Variants in TRIM69 observed in about 807,000 individuals in gnomAD.
TRIM69 encodes the protein tripartite motif containing 69, also known as E3 ubiquitin-protein ligase TRIM69.
A neutral mutation model predicts 37.7 loss-of-function variants in TRIM69; 29 were observed. The observed-to-expected ratio is 0.77, with a 90% CI of 0.57 to 1.05. TRIM69 has a LOEUF of 1.05. TRIM69 is among the 50% of genes least tolerant of loss of function. The pLI is 0.00. For synonymous variants in TRIM69, 209 were observed against 212.4 expected (o/e 0.98, Z 0.14); for missense variants, 596 against 579.9 (o/e 1.03, Z -0.28).
chr15:44,762,367 G>T (rs79227989), intron 6 of TRIM69, among the ~76,000 whole-genome samples: 2,761 of 152,162 alleles, frequency 0.018, 82 homozygotes, highest in African/African-American at 0.061. Context: ...CTGCTTGTGC[G>T]TCATTGAGCT....
intron 1 of TRIM69, among the ~76,000 whole-genome samples, chr15:44,744,085 C>A (rs866353956): frequency 1.6e-4 from 24 of 151,434 alleles, no homozygotes; most frequent in Middle Eastern, 6.8e-3. Context: ...GACTGGATTA[C>A]GAAAATGTGG....
chr15:44,743,380 T>A, intron 1 of TRIM69, among the ~76,000 whole-genome samples: 1 of 152,088 alleles, frequency 6.6e-6, no homozygotes, highest in Non-Finnish European at 1.5e-5. Context: ...AACCTAGGCA[T>A]TACCATTCAG....
intron 1 of TRIM69, among the ~76,000 whole-genome samples, chr15:44,738,050 C>CTTTTTT (rs772041054): frequency 8.5e-6 from 1 of 118,020 alleles, no homozygotes; most frequent in African/African-American, 3.3e-5. Flanking sequence ...TACTTTCTTT[C>CTTTTTT]TTTCTTTTTT....
intron 1 of TRIM69, among the ~76,000 whole-genome samples, chr15:44,741,293 A>C (rs1379229205): frequency 6.6e-6 from 1 of 152,144 alleles, no homozygotes; most frequent in African/African-American, 2.4e-5. Context: ...AACATACCAG[A>C]ATCTCTGGGA....
chr15:44,749,423 G>A (rs976792252), intron 1 of TRIM69, among the ~76,000 whole-genome samples: 1 of 152,102 alleles, frequency 6.6e-6, no homozygotes, highest in African/African-American at 2.4e-5. Context: ...GGCAACCAAT[G>A]ATCTGCTGTC....
At chr15:44,745,571 C>T (rs2087388560) in intron 1 of TRIM69, among the ~76,000 whole-genome samples, 1 of 152,102 alleles carries the variant, frequency 6.6e-6, no homozygotes, top group African/African-American at 2.4e-5. Context: ...GAAGCTCAGA[C>T]ATTGGACTCA....
intron 1 of TRIM69, among the ~76,000 whole-genome samples, chr15:44,738,235 TATTA>T (rs1466891066): frequency 8.1e-5 from 9 of 111,478 alleles, no homozygotes; most frequent in African/African-American, 1.3e-4. Flanking sequence ...ATTTTTGTAT[TATTA>T]TTTTTTTTTT....
rs375092348 is a variant in TRIM69, at chr15:44,748,825, CAAAAAA to C, written c.7-6055_7-6050del. On this transcript the variant is annotated intron_variant, in intron 1 of 6. Transcript: ENST00000329464. ...TGGGCGACAGAGTGAGACTTTGTCT[CAAAAAA>C]AAAAAAAAAAAAAAAAAAATTCTGG... is the stretch of plus-strand genomic sequence containing the variant. Among the ~76,000 whole-genome samples the C allele has an allele frequency of 8.8e-3, 1,002 of 114,182 alleles. 11 individuals carry two copies. Among genetic ancestry groups the C allele is most frequent in the Middle Eastern group, 0.018 (4 of 224 alleles). The allele number at this position is 114,182 out of a possible 152,430, so 74.9% of individuals were successfully genotyped here.
chr15:44,736,542 C>A lies in TRIM69; in HGVS notation c.-163C>A, dbSNP rs2087164097. On this transcript the variant is annotated 5_prime_UTR_variant, in exon 1 of 7. Transcript: ENST00000329464. ...CGGAATCTGCCAGACCTCACTCTGG[C>A]CTTGCTGCTTCTCTCCAGCTCCTGA... is the stretch of plus-strand genomic sequence containing the variant. The A allele has an allele frequency of 3.1e-6, 2 of 654,892 alleles. No individual in the cohort carries two copies. Among genetic ancestry groups the A allele is most frequent in the East Asian group, 3.1e-5 (1 of 31,772 alleles). 40.6% of individuals were successfully genotyped at this position (654,892 alleles called of 1,614,324 possible).
At chr15:44,752,046 T>C (rs1286549102) in intron 1 of TRIM69, among the ~76,000 whole-genome samples, 1 of 152,162 alleles carries the variant, frequency 6.6e-6, no homozygotes, top group African/African-American at 2.4e-5. Flanking sequence ...TGAGCCACTG[T>C]GCACAGCCTG....
Position 44,758,858 on chromosome 15 carries a change from A to C in TRIM69, c.813+4A>C. 1 of 1,609,418 alleles carries C rather than the reference A, an allele frequency of 6.2e-7. No individual in the cohort carries two copies. The highest frequency in any genetic ancestry group is 8.5e-7 in the Non-Finnish European group (1 of 1,177,678). On this transcript the variant is annotated splice_donor_region_variant and intron_variant, in intron 4 of 6. Transcript: ENST00000329464. The stretch of plus-strand genomic sequence containing the variant: ...GAACTCCTTCGACTTTCTCAAAGTG[A>C]GAATCCACACCAATATGATTATGGG...
In TRIM69 at chr15:44,759,683, C is replaced by A. The variant is rs761454467; in HGVS notation, c.836+21C>A. Reference sequence around the variant, plus strand: ...CATAGGTAAGTGTTTCCCTATGGTACTATTAATATCATTCCTTGAGTCTCT... The same window carrying A: ...CATAGGTAAGTGTTTCCCTATGGTAATATTAATATCATTCCTTGAGTCTCT... On this transcript the variant is annotated intron_variant, in intron 5 of 6. Coordinates refer to ENST00000329464, the MANE Select transcript of TRIM69 (RefSeq NM_182985.5). 6.2e-6 allele frequency: 10 copies of A among 1,613,954 alleles called. No individual in the cohort carries two copies. The South Asian group carries it at 8.8e-5, about 14-fold the overall frequency.
chr15:44,736,816 G>T (rs2087172623), intron 1 of TRIM69, 106 bp downstream of exon 1: 2 of 1,350,436 alleles, frequency 1.5e-6, no homozygotes, highest in Non-Finnish European at 2.0e-6. Context: ...GGAAATTCAT[G>T]AAGGGAAGTA....
Position 44,739,820 on chromosome 15 carries a change from G to C in TRIM69, c.6+3110G>C, listed in dbSNP as rs1473211437. On this transcript the variant is annotated intron_variant, in intron 1 of 6. Transcript: ENST00000329464. Reference sequence around the variant, plus strand: ...GGGGCAGGGCACAGACAAACAAAAAGACATCAGTAACCTCTGCAGACTTAA... The same window carrying C: ...GGGGCAGGGCACAGACAAACAAAAACACATCAGTAACCTCTGCAGACTTAA... 2.0e-5 allele frequency among the ~76,000 whole-genome samples: 3 copies of C among 151,788 alleles called. No homozygotes were observed. The East Asian group carries it at 5.8e-4, about 29-fold the overall frequency.
chr15:44,758,858 A>T lies in TRIM69; in HGVS notation c.813+4A>T. 6.2e-7 allele frequency: 1 copy of T among 1,609,418 alleles called. No individual in the cohort carries two copies. The highest frequency in any genetic ancestry group is 8.5e-7 in the Non-Finnish European group (1 of 1,177,678). On this transcript the variant is annotated splice_donor_region_variant and intron_variant, in intron 4 of 6. Coordinates refer to ENST00000329464, the MANE Select transcript of TRIM69 (RefSeq NM_182985.5). ...GAACTCCTTCGACTTTCTCAAAGTG[A>T]GAATCCACACCAATATGATTATGGG...
chr15:44,767,083 A>AAAAAAAAAAAAAC (rs2087909428), intron 6 of TRIM69, 148 bp from the exon 7 acceptor site: 2 of 393,340 alleles, frequency 5.1e-6, no homozygotes, highest in Non-Finnish European at 8.9e-6. Flanking sequence ...AAAAAAAAAA[A>AAAAAAAAAAAAAC]AGCATATAAG....
chr15:44,747,261 A>C (rs2087427672), intron 1 of TRIM69, among the ~76,000 whole-genome samples: 1 of 152,042 alleles, frequency 6.6e-6, no homozygotes, highest in Non-Finnish European at 1.5e-5. Context: ...GGTAGAATGG[A>C]GGAGAGAGAC....
At position 44,755,211 on chromosome 15, in the gene TRIM69, A is replaced by G. The variant is rs1463363967; in HGVS notation, c.318A>G (p.Leu106=). 1.2e-6 allele frequency: 2 copies of G among 1,614,196 alleles called. No homozygotes were observed. The highest frequency in any genetic ancestry group is 2.2e-5 in the East Asian group (1 of 44,884). Residue 106 remains leucine, a synonymous_variant, in exon 2 of 7, where the codon TTA becomes TTG. Transcript: ENST00000329464. ...AGTTGGTAGAGAAGATTAAGAAGTT[A>G]CCCTTACTCAAGGGCCATCCACAGT... ...LDKLVEKIKK[L]PLLKGHPQCP...
chr15:44,761,676 G>T (rs2087778852), intron 6 of TRIM69, among the ~76,000 whole-genome samples: 1 of 152,154 alleles, frequency 6.6e-6, no homozygotes, highest in Admixed American at 6.5e-5. Context: ...TGTTGGCCAG[G>T]CTGATCTTGA....
Sources: gnomAD v4.1 joint callset for allele counts (sites outside exome capture counted in the v4.1 genomes callset) on GRCh38, gnomAD v4.1.1 for gene constraint, MANE v1.5 for transcripts, NCBI Gene and HGNC (gene_info 2026-07-23, HGNC 2026-07-21) for gene names.